Variants in GAK observed in about 807,000 individuals in gnomAD.
GAK encodes cyclin G associated kinase.
In GAK, 79 loss-of-function variants were observed where a neutral mutation model predicts 143.9. That is an observed-to-expected ratio of 0.55 (90% CI 0.46 to 0.66). The LOEUF (loss-of-function observed/expected upper bound fraction) is 0.66, where lower values mean the gene tolerates loss of function less well. GAK is among the 30% of genes least tolerant of loss of function. GAK has a pLI of 0.00. For synonymous variants in GAK, 881 were observed against 765.5 expected (o/e 1.15, Z -2.49); for missense variants, 1,693 against 1,779.7 (o/e 0.95, Z 0.88).
intron 10 of GAK, 34 bp from the exon 11 acceptor site, chr4:889,004 T>A (rs1194407130): frequency 1.3e-6 from 2 of 1,593,838 alleles, no homozygotes; most frequent in Non-Finnish European, 1.7e-6. Flanking sequence ...AGGCCCCAGG[T>A]GCTCGGTCCC....
chr4:907,661 A>G (rs901690796), intron 4 of GAK, among the ~76,000 whole-genome samples: 6 of 152,200 alleles, frequency 3.9e-5, no homozygotes, highest in Non-Finnish European at 8.8e-5. Context: ...GGGTTGCCTC[A>G]TGGGAGGGAC....
intron 16 of GAK, among the ~76,000 whole-genome samples, 182 bp from the exon 17 acceptor site, chr4:877,389 C>T (rs992323040): frequency 6.6e-6 from 1 of 152,114 alleles, no homozygotes; most frequent in African/African-American, 2.4e-5. Context: ...ATCCCTGTGA[C>T]CTCCTGCTGC....
Position 861,158 on chromosome 4 carries a change from C to T in GAK, c.3167-1436G>A, listed in dbSNP as rs547817151. ...CTCCTTCTCAAGCCTCCCTATTCCC[C>T]GAGACACAACTTTACTGAAATCAGT... On this transcript the variant is annotated intron_variant, in intron 23 of 27. Coordinates refer to ENST00000314167, the MANE Select transcript of GAK (RefSeq NM_005255.4). 9.2e-5 allele frequency among the ~76,000 whole-genome samples: 14 copies of T among 152,260 alleles called. No homozygotes were observed. In the South Asian group the frequency reaches 2.1e-3, roughly 23 times the overall value.
chr4:910,958 G>A (rs976222062), intron 4 of GAK, among the ~76,000 whole-genome samples: 1 of 152,120 alleles, frequency 6.6e-6, no homozygotes, highest in South Asian at 2.1e-4. Context: ...GGCTCAGCAG[G>A]GTCAGGCCAG....
chr4:921,195 C>T (rs1261110516), intron 1 of GAK, among the ~76,000 whole-genome samples: 2 of 152,166 alleles, frequency 1.3e-5, no homozygotes, highest in Non-Finnish European at 2.9e-5. Flanking sequence ...CTCCGCCTCC[C>T]AGGTTCAAGC....
rs116798056 is a variant in GAK at position 864,484 on chromosome 4, C to T, written c.3166+638G>A. 3.0e-3 allele frequency among the ~76,000 whole-genome samples: 463 copies of T among 152,338 alleles called. 1 individual carries two copies. The highest frequency in any genetic ancestry group is 0.027 in the Middle Eastern group (8 of 294). On this transcript the variant is annotated intron_variant, in intron 23 of 27. Coordinates refer to ENST00000314167, the MANE Select transcript of GAK (RefSeq NM_005255.4). ...TTTGACTGTGGTCTGGAAGCAAACC[C>T]GCGACATCGCTGAGGCCGGCCCAAG...
chr4:876,818 G>A (rs1714003356), intron 17 of GAK, among the ~76,000 whole-genome samples: 1 of 152,242 alleles, frequency 6.6e-6, no homozygotes, highest in Non-Finnish European at 1.5e-5. Context: ...CCCACAAGCT[G>A]CTTCACGGGA....
At chr4:911,592 A>G in intron 4 of GAK, 81 bp downstream of exon 4, 1 of 919,250 alleles carries the variant, frequency 1.1e-6, no homozygotes, top group Non-Finnish European at 1.8e-6. Context: ...CATGTTTCAC[A>G]GCCATGCAGC....
intron 24 of GAK, chr4:859,333 T>A (rs1016327579): frequency 7.2e-7 from 1 of 1,393,322 alleles, no homozygotes; most frequent in South Asian, 1.2e-5. Context: ...ATGGCCCCCA[T>A]GGCCCTGAGG....
rs1330707826 is a variant in GAK at position 913,882 on chromosome 4, A to C, written c.146-214T>G. The C allele has an allele frequency of 2.9e-3, 469 of 162,594 alleles. 8 individuals are homozygous for C. Among genetic ancestry groups the C allele is most frequent in the African/African-American group, 0.013 (122 of 9,308 alleles). 10.1% of individuals were successfully genotyped at this position (162,594 alleles called of 1,614,324 possible). On this transcript the variant is annotated intron_variant, in intron 1 of 27. Transcript: ENST00000314167. Reference sequence around the variant, plus strand: ...CAGCCCCAGCGTGCACGGCCCCCCCACACACACACAGCCCCAGCGTGCACG... The same window carrying C: ...CAGCCCCAGCGTGCACGGCCCCCCCCCACACACACAGCCCCAGCGTGCACG...
chr4:896,347 AG>A (rs1252683886), intron 7 of GAK, 112 bp downstream of exon 7: 1 of 748,484 alleles, frequency 1.3e-6, no homozygotes, highest in East Asian at 2.6e-5. Context: ...GGAGGGGAAG[AG>A]GGGGTGGAGG....
intron 1 of GAK, chr4:913,939 C>T (rs1334910373): frequency 1.9e-5 from 6 of 311,090 alleles, no homozygotes; most frequent in Middle Eastern, 1.1e-3. Flanking sequence ...CCAGCGTGCA[C>T]GGCCCCACAC....
intron 18 of GAK, 58 bp from the exon 19 acceptor site, chr4:870,962 G>A (rs1560319470): frequency 4.9e-6 from 7 of 1,432,126 alleles, no homozygotes; most frequent in East Asian, 2.4e-5. Context: ...GTAAGTCCTT[G>A]GACATTCACT....
intron 22 of GAK, 28 bp from the exon 23 acceptor site, chr4:865,272 C>A: frequency 6.2e-7 from 1 of 1,609,950 alleles, no homozygotes. Flanking sequence ...GAAGAGAGCA[C>A]AGTTTGGTGT....
intron 24 of GAK, 157 bp from the exon 25 acceptor site, chr4:852,131 C>T (rs1176474361): frequency 1.9e-5 from 13 of 682,930 alleles, no homozygotes; most frequent in Admixed American, 4.5e-5. Context: ...TCCACCCACA[C>T]GTGTGAAGGT....
chr4:881,708 C>A (rs2152810413), intron 15 of GAK, among the ~76,000 whole-genome samples, 199 bp downstream of exon 15: 1 of 152,396 alleles, frequency 6.6e-6, no homozygotes, highest in Admixed American at 6.5e-5. Flanking sequence ...GTCAGGACTA[C>A]CGCGGCTGAG....
At chr4:926,251 A>G (rs1306756499) in intron 1 of GAK, among the ~76,000 whole-genome samples, 1 of 152,216 alleles carries the variant, frequency 6.6e-6, no homozygotes, top group Non-Finnish European at 1.5e-5. Context: ...CAGAAACCAC[A>G]GAAGTAACAC....
chr4:885,493 C>T (rs893590968), intron 11 of GAK, among the ~76,000 whole-genome samples: 11 of 152,322 alleles, frequency 7.2e-5, no homozygotes, highest in African/African-American at 1.7e-4. Flanking sequence ...ACAGGATCCA[C>T]GCACATCTCA....
chr4:892,124 G>A (rs2152853701), intron 9 of GAK, among the ~76,000 whole-genome samples: 1 of 152,208 alleles, frequency 6.6e-6, no homozygotes, highest in East Asian at 1.9e-4. Flanking sequence ...TGTCCCACAG[G>A]GTCCTGTCCT....
Sources: allele counts gnomAD v4.1 joint callset (sites outside exome capture counted in the v4.1 genomes callset), GRCh38; gene constraint gnomAD v4.1.1; transcripts MANE v1.5; gene names NCBI Gene and HGNC (gene_info 2026-07-23, HGNC 2026-07-21).